GNA14: variants seen among roughly 807,000 people sequenced by gnomAD.
The protein encoded by GNA14 is G protein subunit alpha 14, also known as guanine nucleotide-binding protein subunit alpha-14.
Under a neutral mutation model 42.0 loss-of-function variants are expected in GNA14, and 50 were observed. The observed-to-expected ratio is 1.19, with a 90% CI of 0.95 to 1.51. GNA14 has a LOEUF of 1.51. Among genes scored for constraint, GNA14 ranks in the 40% most tolerant of loss-of-function variants. The probability of loss-of-function intolerance (pLI) is 0.00; values close to 1 mark genes in which losing one functional copy is unlikely to be tolerated. For missense variants in GNA14, 473 were observed against 446.2 expected (o/e 1.06, Z -0.54); for synonymous variants, 173 against 163.1 (o/e 1.06, Z -0.46).
intron 1 of GNA14, among the ~76,000 whole-genome samples, chr9:77,640,154 A>G (rs1824235893): frequency 2.0e-5 from 3 of 152,206 alleles, no homozygotes; most frequent in Admixed American, 2.0e-4. Flanking sequence ...GGATGGGGTC[A>G]AGTCCTGTTG....
At chr9:77,569,745 G>A (rs1823031503) in intron 1 of GNA14, among the ~76,000 whole-genome samples, 1 of 151,834 alleles carries the variant, frequency 6.6e-6, no homozygotes, top group Non-Finnish European at 1.5e-5. Flanking sequence ...GGGTAGTAGG[G>A]ATATGTTTTT....
intron 5 of GNA14, 87 bp downstream of exon 5, chr9:77,428,820 G>T: frequency 7.6e-7 from 1 of 1,312,312 alleles, no homozygotes; most frequent in South Asian, 1.3e-5. Context: ...TAATGACGAG[G>T]GTCTATTTCC....
chr9:77,558,367 GA>G (rs1486179445), intron 1 of GNA14, among the ~76,000 whole-genome samples: 2 of 152,154 alleles, frequency 1.3e-5, no homozygotes, highest in Non-Finnish European at 2.9e-5. Flanking sequence ...AGATGGCAGA[GA>G]GGGGGAGTTC....
intron 1 of GNA14, among the ~76,000 whole-genome samples, chr9:77,567,780 T>C (rs534108008): frequency 6.6e-6 from 1 of 152,188 alleles, no homozygotes; most frequent in Admixed American, 6.5e-5. Flanking sequence ...GACAGGAGAA[T>C]CGCTTGAGCC....
intron 5 of GNA14, among the ~76,000 whole-genome samples, chr9:77,428,140 G>A (rs1835483348): frequency 1.4e-5 from 2 of 145,252 alleles, no homozygotes. Flanking sequence ...GTGCAGTGGT[G>A]CGATCTCGGC....
Position 77,648,152 on chromosome 9 carries a change from G to A in GNA14, c.-359C>T, listed in dbSNP as rs929908037. On this transcript the variant is annotated 5_prime_UTR_variant, in exon 1 of 7. Transcript: ENST00000341700. ...CACAGGAGCCGGACAGCAGTCGGGG[G>A]CGCAGACGAGTTGGAACGTCGGTGC... The A allele has an allele frequency of 3.1e-6, 1 of 323,574 alleles. No homozygotes were observed. Among genetic ancestry groups the A allele is most frequent in the Non-Finnish European group, 5.7e-6 (1 of 175,310 alleles). The allele number at this position is 323,574 out of a possible 1,614,324, so 20.0% of individuals were successfully genotyped here.
At position 77,529,104 on chromosome 9, in the gene GNA14, T is replaced by C; in HGVS notation, c.274A>G (p.Thr92Ala). The change falls in exon 2 of 7, where the codon ACG (threonine) becomes GCG (alanine). Residue 92 changes from threonine (T) to alanine (A), a missense_variant. Thr to Ala is a moderately conservative substitution (Grantham distance 58). Coordinates refer to ENST00000341700, the MANE Select transcript of GNA14 (RefSeq NM_004297.4). ...AMQAMIRAMD[T>A]LRIQYVCEQN... ...TCACACACATACTGTATCCTTAGCG[T>C]GTCCATCGCTCTGATCATGGCTTGC... The C allele has an allele frequency of 6.2e-7, 1 of 1,614,180 alleles. No homozygotes were observed. Among genetic ancestry groups the C allele is most frequent in the South Asian group, 1.1e-5 (1 of 91,088 alleles).
chr9:77,583,899 C>A (rs1823263225), intron 1 of GNA14, among the ~76,000 whole-genome samples: 1 of 152,066 alleles, frequency 6.6e-6, no homozygotes, highest in Admixed American at 6.6e-5. Flanking sequence ...CACTAGTGGA[C>A]CCAAAAGATG....
chr9:77,601,371 A>G (rs939661750), intron 1 of GNA14, among the ~76,000 whole-genome samples: 9 of 152,216 alleles, frequency 5.9e-5, no homozygotes, highest in Admixed American at 1.3e-4. Context: ...CTTTTACTCA[A>G]GATTAATCAG....
chr9:77,631,685 C>T (rs951688960), intron 1 of GNA14, among the ~76,000 whole-genome samples: 4 of 151,746 alleles, frequency 2.6e-5, no homozygotes, highest in Admixed American at 2.0e-4. Context: ...GTTCATCATA[C>T]ATTTAAGTTT....
chr9:77,451,525 T>C (rs1164659285), intron 2 of GNA14, among the ~76,000 whole-genome samples: 1 of 152,186 alleles, frequency 6.6e-6, no homozygotes, highest in African/African-American at 2.4e-5. Flanking sequence ...CTGAAAATCT[T>C]GAGGATGACC....
chr9:77,520,057 A>G (rs538449153), intron 2 of GNA14, among the ~76,000 whole-genome samples: 2 of 152,162 alleles, frequency 1.3e-5, no homozygotes, highest in African/African-American at 4.8e-5. Flanking sequence ...CCACTATGCA[A>G]CATAGCCATG....
intron 1 of GNA14, among the ~76,000 whole-genome samples, chr9:77,555,543 T>C (rs1246375631): frequency 1.3e-5 from 2 of 152,068 alleles, no homozygotes; most frequent in African/African-American, 4.8e-5. Flanking sequence ...CCTGAGTGTG[T>C]GTCTATCTAG....
At chr9:77,616,942 T>C (rs932875278) in intron 1 of GNA14, among the ~76,000 whole-genome samples, 1 of 152,128 alleles carries the variant, frequency 6.6e-6, no homozygotes, top group African/African-American at 2.4e-5. Flanking sequence ...CGATCTTGGC[T>C]CACTGCAAGC....
chr9:77,431,463 A>T lies in GNA14; in HGVS notation c.465-14T>A. On this transcript the variant is annotated splice_polypyrimidine_tract_variant and intron_variant, in intron 3 of 6. Coordinates refer to ENST00000341700, the MANE Select transcript of GNA14 (RefSeq NM_004297.4). The stretch of plus-strand genomic sequence containing the variant: ...TCAGTCAGGTAACTGTATATTAGAG[A>T]ACGAGGAACTGACTCTCCTTTTAGA... 3 of 1,589,310 alleles carry T rather than the reference A, an allele frequency of 1.9e-6. No homozygotes were observed. In the Middle Eastern group the frequency reaches 5.0e-4, roughly 267 times the overall value.
intron 1 of GNA14, among the ~76,000 whole-genome samples, chr9:77,586,611 G>T (rs1412034247): frequency 6.6e-6 from 1 of 152,214 alleles, no homozygotes; most frequent in African/African-American, 2.4e-5. Context: ...CCTGCACACA[G>T]AGGGGCGGCC....
chr9:77,538,490 G>A (rs1230420410), intron 1 of GNA14, among the ~76,000 whole-genome samples: 1 of 151,954 alleles, frequency 6.6e-6, no homozygotes, highest in African/African-American at 2.4e-5. Context: ...ATTCTGATAA[G>A]GATTGCATTA....
intron 1 of GNA14, among the ~76,000 whole-genome samples, chr9:77,583,868 A>G (rs552769267): frequency 6.6e-6 from 1 of 152,304 alleles, no homozygotes; most frequent in East Asian, 1.9e-4. Context: ...CCACTGCTGG[A>G]GTAGCAAGGT....
At chr9:77,556,139 G>C (rs868841616) in intron 1 of GNA14, among the ~76,000 whole-genome samples, 1 of 152,158 alleles carries the variant, frequency 6.6e-6, no homozygotes, top group African/African-American at 2.4e-5. Flanking sequence ...AGCTACTCAG[G>C]AGGCTGAGAT....
Sources: gnomAD v4.1 joint callset for allele counts (sites outside exome capture counted in the v4.1 genomes callset) on GRCh38, gnomAD v4.1.1 for gene constraint, MANE v1.5 for transcripts, NCBI Gene and HGNC (gene_info 2026-07-23, HGNC 2026-07-21) for gene names.